CSMD2: variants seen among roughly 807,000 people sequenced by gnomAD.
The protein encoded by CSMD2 is CUB and sushi domain-containing protein 2.
In CSMD2, 130 loss-of-function variants were observed where a neutral mutation model predicts 398.5. The observed-to-expected ratio is 0.33, with a 90% CI of 0.28 to 0.38. The LOEUF (loss-of-function observed/expected upper bound fraction) is 0.38, where lower values mean the gene tolerates loss of function less well. CSMD2 is among the 10% of genes least tolerant of loss of function. The pLI is 1.00. For missense variants in CSMD2, 3,829 were observed against 4,764.9 expected (o/e 0.80, Z 5.78); for synonymous variants, 1,828 against 1,908.5 (o/e 0.96, Z 1.10).
Position 33,786,894 on chromosome 1 carries a change from G to A in CSMD2, c.1663+1706C>T, listed in dbSNP as rs75146283. ...ATGGGCTAGCCTCCTGTTATGGGGT[G>A]AACTGTGTTCCCCAAAAAGACGTGC... On this transcript the variant is annotated intron_variant, in intron 12 of 70. Coordinates refer to ENST00000373381, the MANE Select transcript of CSMD2 (RefSeq NM_001281956.2). Among the ~76,000 whole-genome samples the A allele has an allele frequency of 2.6e-3, 397 of 152,324 alleles. 2 individuals carry two copies. Among genetic ancestry groups the A allele is most frequent in the African/African-American group, 8.5e-3 (355 of 41,570 alleles).
intron 29 of CSMD2, among the ~76,000 whole-genome samples, chr1:33,642,142 T>G (rs112796767): frequency 0.018 from 2,630 of 149,472 alleles, 75 homozygotes; most frequent in African/African-American, 0.06. Flanking sequence ...AGGTCAGGAG[T>G]TCAAAACCAG....
intron 31 of CSMD2, among the ~76,000 whole-genome samples, chr1:33,634,902 C>T (rs1292558592): frequency 6.6e-6 from 1 of 152,124 alleles, no homozygotes; most frequent in Non-Finnish European, 1.5e-5. Flanking sequence ...TGCGGCACCT[C>T]CCTTAGGACT....
At position 33,533,758 on chromosome 1, in the gene CSMD2, A is replaced by G; in HGVS notation, c.9991+38T>C. The G allele has an allele frequency of 1.5e-6, 2 of 1,375,734 alleles. No homozygotes were observed. Among genetic ancestry groups the G allele is most frequent in the Non-Finnish European group, 2.1e-6 (2 of 963,558 alleles). The allele number at this position is 1,375,734 out of a possible 1,614,324, so 85.2% of individuals were successfully genotyped here. ...GACCCAGATGCCCAGCTGGGGCAAG[A>G]GGAATTTTCTTGGGATGTGGGTGAA... On this transcript the variant is annotated intron_variant, in intron 63 of 70. Transcript: ENST00000373381. This position sits in a 1 kb window ranked among gnomAD's most constrained non-coding sequence, Gnocchi z 4.2.
intron 13 of CSMD2, among the ~76,000 whole-genome samples, chr1:33,756,335 G>A (rs1271474148): frequency 6.6e-6 from 1 of 152,176 alleles, no homozygotes; most frequent in East Asian, 1.9e-4. Flanking sequence ...CCTGCTATGT[G>A]TCTGTCCCTA....
intron 22 of CSMD2, among the ~76,000 whole-genome samples, chr1:33,701,173 A>T (rs1023141311): frequency 2.6e-5 from 4 of 152,050 alleles, no homozygotes; most frequent in Non-Finnish European, 4.4e-5. Context: ...TGTCTTGAGC[A>T]CTCTGCTGGA....
At chr1:33,985,232 T>G (rs1468278977) in intron 3 of CSMD2, among the ~76,000 whole-genome samples, 1 of 152,210 alleles carries the variant, frequency 6.6e-6, no homozygotes, top group Non-Finnish European at 1.5e-5. Context: ...GACTTAGCCT[T>G]CCTTCCCCAT....
intron 41 of CSMD2, chr1:33,605,905 CG>C: frequency 6.2e-7 from 1 of 1,613,772 alleles, no homozygotes; most frequent in Non-Finnish European, 8.5e-7. Flanking sequence ...GAAGCGGCGA[CG>C]GGAGGAGTTG....
At chr1:33,981,983 T>C (rs548019725) in intron 3 of CSMD2, among the ~76,000 whole-genome samples, 86 of 152,210 alleles carry the variant, frequency 5.7e-4, no homozygotes, top group African/African-American at 1.9e-3. Context: ...TCAGAGTGGC[T>C]GTAAGTCTGC....
intron 2 of CSMD2, among the ~76,000 whole-genome samples, chr1:34,058,721 C>T (rs1316056701): frequency 6.6e-6 from 1 of 152,206 alleles, no homozygotes; most frequent in African/African-American, 2.4e-5. Flanking sequence ...AAACCGCACA[C>T]CTGGCCTTCA....
intron 5 of CSMD2, among the ~76,000 whole-genome samples, chr1:33,857,054 G>C (rs1487163999): frequency 1.3e-5 from 2 of 152,038 alleles, no homozygotes; most frequent in Non-Finnish European, 2.9e-5. Flanking sequence ...TAGAGACTTA[G>C]CACGCAGGCC....
chr1:33,654,489 G>A (rs1312768892), intron 27 of CSMD2, among the ~76,000 whole-genome samples: 2 of 152,194 alleles, frequency 1.3e-5, no homozygotes, highest in Non-Finnish European at 2.9e-5. Context: ...AGTTGTTGCA[G>A]GAGCTTCTGA....
chr1:34,089,558 G>A (rs2148367915), intron 1 of CSMD2, among the ~76,000 whole-genome samples: 1 of 152,218 alleles, frequency 6.6e-6, no homozygotes, highest in South Asian at 2.1e-4. Flanking sequence ...CTTCTCCATT[G>A]TCTGCAACCT....
At chr1:33,966,311 G>A (rs1397889235) in intron 3 of CSMD2, among the ~76,000 whole-genome samples, 1 of 152,202 alleles carries the variant, frequency 6.6e-6, no homozygotes, top group Non-Finnish European at 1.5e-5. Context: ...TTTCTGCCCT[G>A]ATGGTTGCAA....
At chr1:34,006,900 A>C (rs1647074555) in intron 3 of CSMD2, among the ~76,000 whole-genome samples, 1 of 151,968 alleles carries the variant, frequency 6.6e-6, no homozygotes, top group Middle Eastern at 3.2e-3. Context: ...TCCCCCAGGG[A>C]TTCCACTGCC....
At chr1:33,612,373 C>G (rs1264465928) in intron 40 of CSMD2, among the ~76,000 whole-genome samples, 1 of 152,162 alleles carries the variant, frequency 6.6e-6, no homozygotes, top group African/African-American at 2.4e-5. Context: ...CTGTTCCATT[C>G]CTTTCCTGCC....
chr1:33,634,009 C>T (rs1642641627), intron 31 of CSMD2, among the ~76,000 whole-genome samples: 1 of 152,184 alleles, frequency 6.6e-6, no homozygotes, highest in African/African-American at 2.4e-5. Flanking sequence ...AGCTCCTTAT[C>T]ACTGGAGGGA....
intron 25 of CSMD2, among the ~76,000 whole-genome samples, chr1:33,668,957 A>G (rs1205099886): frequency 6.6e-6 from 1 of 152,232 alleles, no homozygotes; most frequent in Admixed American, 6.5e-5. Context: ...TGGAATAAAT[A>G]AGATGCTATC....
intron 21 of CSMD2, 141 bp from the exon 22 acceptor site, chr1:33,709,399 G>T: frequency 1.5e-6 from 1 of 657,992 alleles, no homozygotes; most frequent in African/African-American, 1.8e-5. Context: ...CTGTCCAGTT[G>T]TTGGACTGTC....
At chr1:33,790,276 G>A (rs909346789) in intron 11 of CSMD2, among the ~76,000 whole-genome samples, 2 of 152,200 alleles carry the variant, frequency 1.3e-5, no homozygotes, top group Non-Finnish European at 2.9e-5. Flanking sequence ...GGGTGTTTCT[G>A]TGAGAGTGTG....
Sources: allele counts gnomAD v4.1 joint callset (sites outside exome capture counted in the v4.1 genomes callset), GRCh38; gene constraint gnomAD v4.1.1; non-coding constraint Gnocchi (gnomAD v3.1); transcripts MANE v1.5; gene names NCBI Gene and HGNC (gene_info 2026-07-23, HGNC 2026-07-21).